The following B9D1 variants were observed in gnomAD, a reference collection of about 807,000 sequenced individuals.
The protein encoded by B9D1 is B9 domain containing 1, also known as B9 domain-containing protein 1.
In B9D1, 20 loss-of-function variants were observed where a neutral mutation model predicts 26.1. That is an observed-to-expected ratio of 0.77 (90% CI 0.54 to 1.12). The LOEUF (loss-of-function observed/expected upper bound fraction) is 1.12. B9D1 is among the 50% of genes most tolerant of loss of function. The pLI is 0.00. For synonymous variants in B9D1, 105 were observed against 103.1 expected, an observed-to-expected ratio of 1.02 and a Z score of -0.11; for missense variants, 260 against 273.7, an observed-to-expected ratio of 0.95 and a Z score of 0.35.
upstream of B9D1, among the ~76,000 whole-genome samples, chr17:19,363,276 C>A (rs1459663089): frequency 4.6e-5 from 7 of 152,238 alleles, no homozygotes; most frequent in Non-Finnish European, 1.0e-4. Flanking sequence ...AGCCATCGCT[C>A]TTTAGTTCGA....
At chr17:19,353,137 G>A (rs561654494) in intron 3 of B9D1, among the ~76,000 whole-genome samples, 60 of 148,194 alleles carry the variant, frequency 4.0e-4, no homozygotes, top group Middle Eastern at 3.8e-3. Context: ...CACCACACCT[G>A]GCTAATTTTT....
At chr17:19,335,621 G>T (rs529904622), downstream of B9D1, 2 of 575,836 alleles carry the variant, frequency 3.5e-6, no homozygotes, top group African/African-American at 1.9e-5. Context: ...AGACAGGGGT[G>T]GGGGGCTAAG....
chr17:19,343,994 A>G (rs1598047685), intron 5 of B9D1, 137 bp from the exon 6 acceptor site: 2 of 1,369,684 alleles, frequency 1.5e-6, no homozygotes, highest in Admixed American at 2.1e-5. Flanking sequence ...ACCAGGAGTC[A>G]GGCCCTAAGC....
At chr17:19,365,418 CACCT>C (rs918804030), upstream of B9D1, among the ~76,000 whole-genome samples, 8 of 152,240 alleles carry the variant, frequency 5.3e-5, no homozygotes, top group African/African-American at 1.7e-4. This position sits in a 1 kb window ranked among gnomAD's most constrained non-coding sequence, Gnocchi z 5.0. Flanking sequence ...GCTGTGCACC[CACCT>C]GTCAAAGCAG....
At chr17:19,340,506 G>A (rs187246968), downstream of B9D1, among the ~76,000 whole-genome samples, 98 of 149,088 alleles carry the variant, frequency 6.6e-4, no homozygotes, top group Non-Finnish European at 1.1e-3. Flanking sequence ...TTGGCCAGGC[G>A]CAGTGGCTCA....
upstream of B9D1, among the ~76,000 whole-genome samples, chr17:19,365,654 G>T (rs1303862190): frequency 6.6e-6 from 1 of 152,100 alleles, no homozygotes; most frequent in African/African-American, 2.4e-5. This position sits in a 1 kb window ranked among gnomAD's most constrained non-coding sequence, Gnocchi z 5.0. Context: ...ATCCAGCCCT[G>T]CGATCTCTGC....
Position 19,347,767 on chromosome 17 carries a change from T to C in B9D1, c.341+17A>G, listed in dbSNP as rs1401608232. On this transcript the variant is annotated intron_variant, in intron 4 of 6. Coordinates refer to ENST00000261499, the MANE Select transcript of B9D1 (RefSeq NM_015681.6). This position sits in a 1 kb window ranked among gnomAD's most constrained non-coding sequence, Gnocchi z 4.3. The stretch of plus-strand genomic sequence containing the variant: ...GGACAAGTCCTGCCCAGGGCCCAGG[T>C]CAGAATGAGGACCTACCGGCCAGGT... The C allele has an allele frequency of 6.2e-7, 1 of 1,608,014 alleles. No individual in the cohort carries two copies. Among genetic ancestry groups the C allele is most frequent in the African/African-American group, 1.3e-5 (1 of 74,360 alleles).
At chr17:19,345,639 C>A (rs1908671410) in intron 5 of B9D1, among the ~76,000 whole-genome samples, 1 of 152,222 alleles carries the variant, frequency 6.6e-6, no homozygotes, top group South Asian at 2.1e-4. Context: ...TGGGAGGGAG[C>A]ACAGCCCTGT....
rs1208824802 is a variant in B9D1 at position 19,343,268 on chromosome 17, CT to C, written c.*50del. 6.2e-7 allele frequency: 1 copy of C among 1,612,668 alleles called. No homozygotes were observed. The highest frequency in any genetic ancestry group is 8.5e-7 in the Non-Finnish European group (1 of 1,179,708). ...CCTCAGGCCGATGGGCAGCGGCTGA[CT>C]TCGGGAAGGCAGCCCTTCATTATCA... On this transcript the variant is annotated 3_prime_UTR_variant, in exon 7 of 7. Coordinates refer to ENST00000261499, the MANE Select transcript of B9D1 (RefSeq NM_015681.6).
At chr17:19,343,632 A>G in intron 6 of B9D1, 158 bp downstream of exon 6, 1 of 1,579,748 alleles carries the variant, frequency 6.3e-7, no homozygotes, top group Non-Finnish European at 8.6e-7. Context: ...GACATGACAA[A>G]CCCTCTGTGC....
chr17:19,375,983 C>T (rs958568322), intron 1 of B9D1, among the ~76,000 whole-genome samples: 1 of 152,104 alleles, frequency 6.6e-6, no homozygotes, highest in Non-Finnish European at 1.5e-5. Context: ...TTGAAACAAC[C>T]CAAATGTTCA....
chr17:19,367,264 T>G (rs1343654729), upstream of B9D1, among the ~76,000 whole-genome samples: 3 of 151,838 alleles, frequency 2.0e-5, no homozygotes, highest in Non-Finnish European at 4.4e-5. Context: ...AACAATGTTG[T>G]GTGTTTATTT....
At chr17:19,341,465 GGGA>G (rs1449052134), downstream of B9D1, 3 of 496,810 alleles carry the variant, frequency 6.0e-6, no homozygotes, top group African/African-American at 4.0e-5. Flanking sequence ...GAGGGAGAAG[GGGA>G]GAAGAAAGAC....
intron 1 of B9D1, among the ~76,000 whole-genome samples, chr17:19,375,015 T>TG (rs1451199866): frequency 5.9e-5 from 9 of 152,232 alleles, no homozygotes; most frequent in African/African-American, 2.2e-4. Context: ...AGAGGGCTGA[T>TG]GCGGTGGCTC....
downstream of B9D1, chr17:19,335,397 T>A (rs1244548450): frequency 1.9e-6 from 3 of 1,548,184 alleles, no homozygotes; most frequent in African/African-American, 1.4e-5. Flanking sequence ...TCCTTTTTTT[T>A]ATTAAAGGCA....
chr17:19,363,291 G>A (rs1234887544), upstream of B9D1, among the ~76,000 whole-genome samples: 1 of 152,236 alleles, frequency 6.6e-6, no homozygotes, highest in Non-Finnish European at 1.5e-5. Flanking sequence ...GTTCGAAGCT[G>A]GGGAAACTGA....
At chr17:19,377,725 C>G (rs1912214718) in intron 1 of B9D1, 1 of 574,694 alleles carries the variant, frequency 1.7e-6, no homozygotes, top group African/African-American at 2.0e-5. Context: ...GTCGGGACAG[C>G]TCGGTTCCAG....
chr17:19,335,289 C>A, downstream of B9D1: 1 of 1,074,858 alleles, frequency 9.3e-7, no homozygotes, highest in Non-Finnish European at 1.3e-6. Flanking sequence ...TTGGCTAGAT[C>A]CTGAGAGGCT....
In B9D1 at chr17:19,347,993, G is replaced by A; in HGVS notation, c.245-113C>T. 3 of 902,504 alleles carry A rather than the reference G, an allele frequency of 3.3e-6. No homozygotes were observed. In the South Asian group the frequency reaches 4.2e-5, roughly 13 times the overall value. 55.9% of individuals were successfully genotyped at this position (902,504 alleles called of 1,614,324 possible). On this transcript the variant is annotated intron_variant, in intron 3 of 6. Coordinates refer to ENST00000261499, the MANE Select transcript of B9D1 (RefSeq NM_015681.6). This position sits in a 1 kb window ranked among gnomAD's most constrained non-coding sequence, Gnocchi z 4.3. Reference sequence around the variant, plus strand: ...CTCAAAGGATGGAGCTCAAAACTCTGGGGTGGCAGGCTTGAGAGGGGACAG... The same window carrying A: ...CTCAAAGGATGGAGCTCAAAACTCTAGGGTGGCAGGCTTGAGAGGGGACAG...
Sources: gnomAD v4.1 joint callset for allele counts (sites outside exome capture counted in the v4.1 genomes callset) on GRCh38, gnomAD v4.1.1 for gene constraint, Gnocchi (gnomAD v3.1) non-coding constraint, MANE v1.5 for transcripts, NCBI Gene and HGNC (gene_info 2026-07-23, HGNC 2026-07-21) for gene names.